TCF7L2: variants seen among roughly 807,000 people sequenced by gnomAD.
TCF7L2 encodes transcription factor 7 like 2.
TCF7L2 carries 23 observed loss-of-function variants against 77.9 expected under a neutral mutation model. The ratio of observed to expected loss-of-function variants is 0.30; its 90% CI spans 0.21 to 0.42. TCF7L2 has a LOEUF of 0.42. TCF7L2 is among the 10% of genes least tolerant of loss of function. TCF7L2 has a pLI of 1.00. For missense variants in TCF7L2, 654 were observed against 793.1 expected, an observed-to-expected ratio of 0.82 and a Z score of 2.11; for synonymous variants, 413 against 340.2, an observed-to-expected ratio of 1.21 and a Z score of -2.36.
intron 4 of TCF7L2, among the ~76,000 whole-genome samples, chr10:113,012,172 A>T (rs1294127865): frequency 6.6e-6 from 1 of 152,214 alleles, no homozygotes; most frequent in Admixed American, 6.5e-5. Flanking sequence ...GTCACATCCC[A>T]TTCCAACTAG....
At chr10:113,021,951 G>C (rs1445467217) in intron 4 of TCF7L2, among the ~76,000 whole-genome samples, 2 of 152,132 alleles carry the variant, frequency 1.3e-5, no homozygotes, top group Non-Finnish European at 2.9e-5. Context: ...GGGGCACCAG[G>C]AGTTCTTTGA....
At chr10:113,001,242 T>TGAAA (rs1480473803) in intron 4 of TCF7L2, among the ~76,000 whole-genome samples, 2 of 152,238 alleles carry the variant, frequency 1.3e-5, no homozygotes, top group Non-Finnish European at 2.9e-5. Context: ...CTGCTGCAGG[T>TGAAA]GAAAGACTTT....
At chr10:113,164,674 C>G (rs1210832295) in intron 13 of TCF7L2, among the ~76,000 whole-genome samples, 1 of 151,778 alleles carries the variant, frequency 6.6e-6, no homozygotes, top group Non-Finnish European at 1.5e-5. Context: ...ATTCTCGTTC[C>G]TTTGAATCAT....
intron 5 of TCF7L2, among the ~76,000 whole-genome samples, chr10:113,108,700 A>G (rs1421316171): frequency 6.6e-6 from 1 of 152,178 alleles, no homozygotes; most frequent in Non-Finnish European, 1.5e-5. Context: ...CGGCCTCTGC[A>G]GGGCCAGGGC....
At chr10:112,999,392 T>C (rs975041651) in intron 4 of TCF7L2, among the ~76,000 whole-genome samples, 6 of 152,262 alleles carry the variant, frequency 3.9e-5, no homozygotes, top group African/African-American at 1.4e-4. Flanking sequence ...GTGCTTCCAA[T>C]GTCTTTGTGG....
chr10:113,141,904 G>A (rs1377433104), intron 6 of TCF7L2, among the ~76,000 whole-genome samples: 1 of 152,220 alleles, frequency 6.6e-6, no homozygotes, highest in African/African-American at 2.4e-5. Flanking sequence ...CCATTTTACA[G>A]ATATGAATAC....
intron 4 of TCF7L2, among the ~76,000 whole-genome samples, chr10:113,020,470 C>G (rs2048104339): frequency 6.6e-6 from 1 of 152,180 alleles, no homozygotes; most frequent in Admixed American, 6.5e-5. Flanking sequence ...TCCTAACCCC[C>G]TACTCTCCCT....
intron 8 of TCF7L2, among the ~76,000 whole-genome samples, chr10:113,150,121 C>T (rs1262078629): frequency 6.6e-6 from 1 of 152,062 alleles, no homozygotes; most frequent in Admixed American, 6.6e-5. Context: ...AGAGAACTGT[C>T]CAAAAAATGA....
chr10:112,952,640 T>C (rs924722016), intron 3 of TCF7L2, among the ~76,000 whole-genome samples: 86 of 152,116 alleles, frequency 5.7e-4, no homozygotes, highest in Non-Finnish European at 5.6e-4. Context: ...GTGTGCGGGC[T>C]CAAGGAGGTG....
chr10:112,996,870 C>T (rs2043581303), intron 4 of TCF7L2, among the ~76,000 whole-genome samples: 1 of 152,180 alleles, frequency 6.6e-6, no homozygotes, highest in Non-Finnish European at 1.5e-5. Flanking sequence ...GGCATTTGCT[C>T]TTCTGGGACT....
chr10:113,019,784 C>T (rs1276612798), intron 4 of TCF7L2, among the ~76,000 whole-genome samples: 2 of 135,056 alleles, frequency 1.5e-5, no homozygotes, highest in African/African-American at 6.5e-5. Flanking sequence ...CAGGCGGTCA[C>T]ATGAACAGCT....
At chr10:113,010,778 C>A (rs1161872159) in intron 4 of TCF7L2, among the ~76,000 whole-genome samples, 3 of 152,200 alleles carry the variant, frequency 2.0e-5, no homozygotes, top group African/African-American at 7.2e-5. Flanking sequence ...CATTGGGAAT[C>A]CGAGGTGGAC....
At chr10:113,147,083 C>T (rs1267487634) in intron 8 of TCF7L2, among the ~76,000 whole-genome samples, 4 of 152,268 alleles carry the variant, frequency 2.6e-5, no homozygotes, top group East Asian at 1.9e-4. Flanking sequence ...ATGTTTTAGT[C>T]GCTAATTGTT....
At chr10:113,001,482 A>G (rs2044469425) in intron 4 of TCF7L2, among the ~76,000 whole-genome samples, 1 of 151,734 alleles carries the variant, frequency 6.6e-6, no homozygotes, top group Admixed American at 6.6e-5. Context: ...CACATCTCTA[A>G]TGCCTTAGTG....
intron 4 of TCF7L2, among the ~76,000 whole-genome samples, chr10:112,976,145 G>T (rs1313448301): frequency 6.6e-6 from 1 of 152,148 alleles, no homozygotes; most frequent in African/African-American, 2.4e-5. Flanking sequence ...AGAGTTGGGA[G>T]ATTAAACAAG....
At position 113,144,112 on chromosome 10, in the gene TCF7L2, G is replaced by C. The variant is rs113489158; in HGVS notation, c.788+87G>C. On this transcript the variant is annotated intron_variant, in intron 7 of 13. Coordinates refer to ENST00000627217, the MANE Select transcript of TCF7L2 (RefSeq NM_001146274.2). Reference sequence around the variant, plus strand: ...TCTGTGTGTGTGTCTGTGTGTGTGTGTGTGTGTGTGTGTGTGTGTGTGTGT... The same window carrying C: ...TCTGTGTGTGTGTCTGTGTGTGTGTCTGTGTGTGTGTGTGTGTGTGTGTGT... 225 of 646,040 alleles carry C rather than the reference G, an allele frequency of 3.5e-4. 1 individual carries two copies. Among genetic ancestry groups the C allele is most frequent in the Middle Eastern group, 7.5e-4 (2 of 2,650 alleles). The allele number at this position is 646,040 out of a possible 1,614,324, so 40.0% of individuals were successfully genotyped here.
intron 5 of TCF7L2, among the ~76,000 whole-genome samples, chr10:113,081,382 T>A (rs1319133834): frequency 6.6e-6 from 1 of 152,236 alleles, no homozygotes; most frequent in Non-Finnish European, 1.5e-5. Flanking sequence ...CACAGTATAA[T>A]GCTTTCTTCA....
intron 3 of TCF7L2, among the ~76,000 whole-genome samples, chr10:112,960,654 G>A (rs2034829554): frequency 6.6e-6 from 1 of 151,918 alleles, no homozygotes. Context: ...GGTGACTGGT[G>A]CAGGACAGTC....
At chr10:113,098,286 G>A (rs756531463) in intron 5 of TCF7L2, among the ~76,000 whole-genome samples, 25 of 152,056 alleles carry the variant, frequency 1.6e-4, no homozygotes, top group Non-Finnish European at 3.1e-4. Context: ...GGGGCTTTCC[G>A]CACTGGGATC....
Sources: allele counts gnomAD v4.1 joint callset (sites outside exome capture counted in the v4.1 genomes callset), GRCh38; gene constraint gnomAD v4.1.1; transcripts MANE v1.5; gene names NCBI Gene and HGNC (gene_info 2026-07-23, HGNC 2026-07-21).